Variants in PSD3 observed in about 807,000 individuals in gnomAD.
PSD3 encodes the protein PH and SEC7 domain-containing protein 3.
Under a neutral mutation model 105.5 loss-of-function variants are expected in PSD3, and 49 were observed. That is an observed-to-expected ratio of 0.46 (90% CI 0.37 to 0.59). The LOEUF (loss-of-function observed/expected upper bound fraction) is 0.59, where lower values mean the gene tolerates loss of function less well. Ranked by LOEUF, PSD3 falls within the 20% of genes least tolerant of loss-of-function variation. PSD3 has a pLI of 0.00. For synonymous variants in PSD3, 557 were observed against 457.8 expected, an observed-to-expected ratio of 1.22 and a Z score of -2.77; for missense variants, 1,561 against 1,263.8, an observed-to-expected ratio of 1.24 and a Z score of -3.57.
chr8:18,812,573 T>C (rs1049609799), intron 4 of PSD3, among the ~76,000 whole-genome samples: 6 of 151,948 alleles, frequency 3.9e-5, no homozygotes, highest in African/African-American at 1.5e-4. Context: ...AACTGGTCCT[T>C]TGGGAGGGCT....
At chr8:18,538,968 G>A (rs1318147401) in intron 15 of PSD3, among the ~76,000 whole-genome samples, 1 of 152,154 alleles carries the variant, frequency 6.6e-6, no homozygotes, top group Non-Finnish European at 1.5e-5. Flanking sequence ...GGAAGCCTTC[G>A]AGGGTTGATG....
chr8:18,591,284 C>A (rs1803585706), intron 12 of PSD3, among the ~76,000 whole-genome samples: 1 of 152,096 alleles, frequency 6.6e-6, no homozygotes, highest in Admixed American at 6.6e-5. Context: ...GAGGTCTTTG[C>A]TATTCTGGCT....
intron 9 of PSD3, among the ~76,000 whole-genome samples, chr8:18,692,351 G>C (rs903759076): frequency 6.6e-6 from 1 of 152,148 alleles, no homozygotes; most frequent in Non-Finnish European, 1.5e-5. Context: ...GAATCACAAG[G>C]TACTGCAGCT....
At chr8:18,673,207 C>T (rs1259714729) in intron 9 of PSD3, among the ~76,000 whole-genome samples, 1 of 151,906 alleles carries the variant, frequency 6.6e-6, no homozygotes, top group Non-Finnish European at 1.5e-5. Flanking sequence ...CCCATCCACA[C>T]ACACACACAC....
rs368272206 is a variant in PSD3 at position 18,731,606 on chromosome 8, C to T, written c.2172+33843G>A. ...TCTTTTAAGTACAAAAAACTGACAACGAAATGAGAAAAATACTACCTTGTG... is the reference window on the plus strand; with the variant it reads ...TCTTTTAAGTACAAAAAACTGACAATGAAATGAGAAAAATACTACCTTGTG... On this transcript the variant is annotated intron_variant, in intron 9 of 15. Coordinates refer to ENST00000327040, the MANE Select transcript of PSD3 (RefSeq NM_015310.4). 7.9e-5 allele frequency among the ~76,000 whole-genome samples: 12 copies of T among 152,152 alleles called. No individual in the cohort carries two copies. The South Asian group carries it at 1.5e-3, about 18-fold the overall frequency.
chr8:18,729,850 A>G (rs1803605060), intron 9 of PSD3, among the ~76,000 whole-genome samples: 1 of 152,200 alleles, frequency 6.6e-6, no homozygotes, highest in Non-Finnish European at 1.5e-5. Context: ...TCCACTGAGG[A>G]AATTACTAAT....
chr8:18,834,167 A>G, intron 4 of PSD3, among the ~76,000 whole-genome samples: 1 of 152,236 alleles, frequency 6.6e-6, no homozygotes, highest in East Asian at 1.9e-4. Context: ...ATAAGAATGT[A>G]GAGAACTTGA....
intron 13 of PSD3, among the ~76,000 whole-genome samples, 194 bp from the exon 14 acceptor site, chr8:18,572,866 C>G (rs1400717647): frequency 6.6e-6 from 1 of 152,126 alleles, no homozygotes; most frequent in Non-Finnish European, 1.5e-5. Context: ...ATGATCATCA[C>G]AGTGCCAGAC....
chr8:18,897,268 T>C (rs1428299804), intron 2 of PSD3, among the ~76,000 whole-genome samples: 1 of 152,210 alleles, frequency 6.6e-6, no homozygotes, highest in African/African-American at 2.4e-5. Flanking sequence ...TTGAAGAGAC[T>C]GTCCTTTTCC....
chr8:18,680,138 G>C (rs754201912), intron 9 of PSD3, among the ~76,000 whole-genome samples: 1 of 152,138 alleles, frequency 6.6e-6, no homozygotes, highest in African/African-American at 2.4e-5. Context: ...TTAAAAATTA[G>C]TACTAGAATA....
chr8:18,784,882 A>C (rs1808981724), intron 8 of PSD3, among the ~76,000 whole-genome samples: 1 of 152,120 alleles, frequency 6.6e-6, no homozygotes. Flanking sequence ...TGGCTGATTA[A>C]ATCAATGGTC....
rs536895838 is a variant in PSD3, at chr8:18,642,142, T to G, written c.2217-9336A>C. Among the ~76,000 whole-genome samples, 24 of 152,292 alleles carry G rather than the reference T, an allele frequency of 1.6e-4. 1 individual carries two copies. In the East Asian group the frequency reaches 4.4e-3, roughly 28 times the overall value. ...TTTCTAAATAAAGGATCTGACCATA[T>G]GTACAATGACTGTAGTATGCTTTCC... On this transcript the variant is annotated intron_variant, in intron 10 of 15. Coordinates refer to ENST00000327040, the MANE Select transcript of PSD3 (RefSeq NM_015310.4).
intron 1 of PSD3, among the ~76,000 whole-genome samples, chr8:19,068,403 C>T (rs1448762092): frequency 1.3e-5 from 2 of 151,984 alleles, no homozygotes; most frequent in East Asian, 3.9e-4. Context: ...GATCCTCCTG[C>T]CCCAGCCTCC....
At chr8:18,687,930 G>T (rs1010735144) in intron 9 of PSD3, among the ~76,000 whole-genome samples, 2 of 151,892 alleles carry the variant, frequency 1.3e-5, no homozygotes, top group African/African-American at 4.8e-5. Flanking sequence ...ACCATGCCTG[G>T]GTAATTTTTG....
At chr8:18,621,921 A>C (rs1240206428) in intron 11 of PSD3, among the ~76,000 whole-genome samples, 2 of 152,198 alleles carry the variant, frequency 1.3e-5, no homozygotes, top group Non-Finnish European at 1.5e-5. Flanking sequence ...CTGCATTACC[A>C]TTATAAACTA....
At chr8:18,568,316 G>A (rs1411485727) in intron 14 of PSD3, among the ~76,000 whole-genome samples, 1 of 59,786 alleles carries the variant, frequency 1.7e-5, no homozygotes, top group African/African-American at 6.2e-5. Flanking sequence ...CATTCTCCCT[G>A]TTTGTATTAA....
intron 8 of PSD3, among the ~76,000 whole-genome samples, chr8:18,774,246 G>A (rs1807818050): frequency 6.6e-6 from 1 of 152,062 alleles, no homozygotes; most frequent in South Asian, 2.1e-4. Flanking sequence ...TTTAAAAACT[G>A]AAACATAATA....
At chr8:18,808,097 G>A (rs890431257) in intron 4 of PSD3, among the ~76,000 whole-genome samples, 2 of 152,132 alleles carry the variant, frequency 1.3e-5, no homozygotes, top group Non-Finnish European at 2.9e-5. Context: ...GTTACTTTGT[G>A]TTTTCCCATA....
intron 9 of PSD3, among the ~76,000 whole-genome samples, chr8:18,676,953 CAG>C (rs1277770064): frequency 1.3e-5 from 2 of 152,160 alleles, no homozygotes; most frequent in African/African-American, 4.8e-5. Context: ...CGGTCTGTAA[CAG>C]AGACATCCAA....
Sources: gnomAD v4.1 joint callset for allele counts (sites outside exome capture counted in the v4.1 genomes callset) on GRCh38, gnomAD v4.1.1 for gene constraint, MANE v1.5 for transcripts, NCBI Gene and HGNC (gene_info 2026-07-23, HGNC 2026-07-21) for gene names.